The following CSNK1G2 variants were observed in gnomAD, a reference collection of about 807,000 sequenced individuals.
CSNK1G2 encodes the protein casein kinase I isoform gamma-2.
CSNK1G2 carries 11 observed loss-of-function variants against 48.0 expected under a neutral mutation model. That is an observed-to-expected ratio of 0.23 (90% CI 0.14 to 0.38). CSNK1G2 has a LOEUF of 0.38. Among genes scored for constraint, CSNK1G2 ranks in the 10% least tolerant of loss-of-function variants. CSNK1G2 has a pLI of 1.00. For synonymous variants in CSNK1G2, 337 were observed against 254.1 expected, an observed-to-expected ratio of 1.33 and a Z score of -3.10; for missense variants, 446 against 595.5, an observed-to-expected ratio of 0.75 and a Z score of 2.61.
At chr19:1,955,568 G>A (rs1011892840) in intron 1 of CSNK1G2, among the ~76,000 whole-genome samples, 3 of 152,284 alleles carry the variant, frequency 2.0e-5, no homozygotes, top group East Asian at 1.9e-4. Context: ...CGAGTCGGGG[G>A]CAGCGCCCAG....
chr19:1,956,154 C>T (rs2014990855), intron 1 of CSNK1G2, among the ~76,000 whole-genome samples: 3 of 152,164 alleles, frequency 2.0e-5, no homozygotes, highest in Non-Finnish European at 4.4e-5. Context: ...TGATGGTCAC[C>T]ACCCAGACGA....
intron 1 of CSNK1G2, among the ~76,000 whole-genome samples, chr19:1,942,004 C>T (rs2014384041): frequency 6.6e-6 from 1 of 152,068 alleles, no homozygotes; most frequent in South Asian, 2.1e-4. Context: ...CCCCACGCAG[C>T]TGTGTCCCCG....
chr19:1,961,862 G>A (rs1178000585), intron 1 of CSNK1G2, among the ~76,000 whole-genome samples: 1 of 152,208 alleles, frequency 6.6e-6, no homozygotes, highest in Non-Finnish European at 1.5e-5. Context: ...CTAAGCAGGG[G>A]TGAGGGGCAC....
intron 1 of CSNK1G2, chr19:1,953,544 G>A (rs1360298602): frequency 1.9e-6 from 1 of 521,336 alleles, no homozygotes; most frequent in South Asian, 1.4e-5. Flanking sequence ...TGGACTAGTT[G>A]CAGGGACAGT....
At chr19:1,963,400 G>A (rs1034266358) in intron 1 of CSNK1G2, among the ~76,000 whole-genome samples, 4 of 151,366 alleles carry the variant, frequency 2.6e-5, no homozygotes, top group East Asian at 1.9e-4. Context: ...TTTTAGTAGA[G>A]ACAGGGTTTC....
At chr19:1,956,896 G>A (rs1412864994) in intron 1 of CSNK1G2, among the ~76,000 whole-genome samples, 1 of 152,294 alleles carries the variant, frequency 6.6e-6, no homozygotes, top group East Asian at 1.9e-4. Flanking sequence ...GCCAGGCGGC[G>A]GTTGATGGGT....
intron 2 of CSNK1G2, among the ~76,000 whole-genome samples, chr19:1,973,129 G>A (rs150771388): frequency 0.015 from 2,258 of 150,738 alleles, 41 homozygotes; most frequent in East Asian, 0.055. Context: ...GGGTTTCGCC[G>A]TGTTAGCCAG....
At chr19:1,975,000 T>C in intron 2 of CSNK1G2, 2 of 933,202 alleles carry the variant, frequency 2.1e-6, no homozygotes, top group Non-Finnish European at 2.6e-6. Flanking sequence ...TCCAGGAGTC[T>C]GCAGATCCAC....
Position 1,980,190 on chromosome 19 carries a change from A to G in CSNK1G2, c.1235A>G (p.Gln412Arg), listed in dbSNP as rs199898274. Residue 412 changes from glutamine to arginine, a missense_variant, in exon 12 of 12, where the codon CAG (glutamine) becomes CGG (arginine). By Grantham distance (43) the Gln-to-Arg change is conservative. This residue lies in a region of CSNK1G2 where 188 missense variants were observed against 179.6 expected (regional missense o/e 1.05). Coordinates refer to ENST00000255641, the MANE Select transcript of CSNK1G2 (RefSeq NM_001319.7). Reference sequence around the variant, plus strand: ...AAGAGGAGAAAGAGAAAATCGCTGCAGCGACACAAGTGACCCTGGGCGCGT... The same window carrying G: ...AAGAGGAGAAAGAGAAAATCGCTGCGGCGACACAAGTGACCCTGGGCGCGT... Reference protein sequence around the residue: ...FFKRRKRKSLQRHK With the variant: ...FFKRRKRKSLRRHK 6 of 1,612,890 alleles carry G rather than the reference A, an allele frequency of 3.7e-6. No individual in the cohort carries two copies. The highest frequency in any genetic ancestry group is 1.7e-5 in the Admixed American group (1 of 60,022).
At chr19:1,962,890 C>T (rs1416574355) in intron 1 of CSNK1G2, among the ~76,000 whole-genome samples, 5 of 152,198 alleles carry the variant, frequency 3.3e-5, no homozygotes, top group Non-Finnish European at 5.9e-5. Flanking sequence ...CAGACGCCGC[C>T]GTGGACTCCA....
At chr19:1,975,540 A>G (rs2015723546) in intron 2 of CSNK1G2, 1 of 985,468 alleles carries the variant, frequency 1.0e-6, no homozygotes, top group East Asian at 1.1e-4. Context: ...CCAGGCGGGC[A>G]CACGCAGCAC....
chr19:1,951,688 G>GT (rs66562131), intron 1 of CSNK1G2, among the ~76,000 whole-genome samples: 13 of 140,470 alleles, frequency 9.3e-5, no homozygotes, highest in African/African-American at 3.3e-4. Context: ...CTTCTCTGCT[G>GT]TTTTTTTTTG....
intron 1 of CSNK1G2, chr19:1,954,824 G>A (rs1157236149): frequency 1.3e-5 from 2 of 152,250 alleles, no homozygotes; most frequent in Non-Finnish European, 2.9e-5. Flanking sequence ...AGCCATCCTT[G>A]GCGTGTGACC....
At chr19:1,943,167 C>G (rs762662433) in intron 1 of CSNK1G2, among the ~76,000 whole-genome samples, 1 of 152,206 alleles carries the variant, frequency 6.6e-6, no homozygotes, top group Non-Finnish European at 1.5e-5. Context: ...GTTGGAGGAG[C>G]TGGCTCTGTT....
At chr19:1,958,129 C>T (rs943109467) in intron 1 of CSNK1G2, among the ~76,000 whole-genome samples, 5 of 152,028 alleles carry the variant, frequency 3.3e-5, no homozygotes, top group Non-Finnish European at 7.4e-5. Flanking sequence ...GTTGGAAGCA[C>T]AGCGCAGCCT....
Position 1,980,277 on chromosome 19 carries a change from G to C in CSNK1G2, c.*74G>C. 1 of 1,572,722 alleles carries C rather than the reference G, an allele frequency of 6.4e-7. No individual in the cohort carries two copies. The highest frequency in any genetic ancestry group is 8.7e-7 in the Non-Finnish European group (1 of 1,146,368). On this transcript the variant is annotated 3_prime_UTR_variant, in exon 12 of 12. Coordinates refer to ENST00000255641, the MANE Select transcript of CSNK1G2 (RefSeq NM_001319.7). ...GCGCGACCTTGTGCGAGGCCCTCGGGGCCCACCCACAGCGGCCCAGGGCCA... is the reference window on the plus strand; with the variant it reads ...GCGCGACCTTGTGCGAGGCCCTCGGCGCCCACCCACAGCGGCCCAGGGCCA...
chr19:1,970,835 A>G lies in CSNK1G2; in HGVS notation c.187+876A>G, dbSNP rs528094060. Among the ~76,000 whole-genome samples the G allele has an allele frequency of 2.0e-3, 309 of 152,286 alleles. 1 individual carries two copies. The highest frequency in any genetic ancestry group is 7.1e-3 in the African/African-American group (297 of 41,574). ...CCCTGGGAAAGAGCGCAGGATGGGCAGGTCCGAGAGGCCACGGCAGTGGAT... is the reference window on the plus strand; with the variant it reads ...CCCTGGGAAAGAGCGCAGGATGGGCGGGTCCGAGAGGCCACGGCAGTGGAT... On this transcript the variant is annotated intron_variant, in intron 2 of 11. Coordinates refer to ENST00000255641, the MANE Select transcript of CSNK1G2 (RefSeq NM_001319.7).
At chr19:1,947,582 G>C (rs757955513) in intron 1 of CSNK1G2, among the ~76,000 whole-genome samples, 1 of 152,198 alleles carries the variant, frequency 6.6e-6, no homozygotes, top group Non-Finnish European at 1.5e-5. Context: ...ACACGGACTG[G>C]CCCGTGTCTG....
chr19:1,972,208 C>A (rs575897858), intron 2 of CSNK1G2, among the ~76,000 whole-genome samples: 156 of 149,882 alleles, frequency 1.0e-3, no homozygotes, highest in Non-Finnish European at 1.8e-3. Flanking sequence ...CACACCAGCC[C>A]TTCTTCATCT....
Sources: gnomAD v4.1 joint callset for allele counts (sites outside exome capture counted in the v4.1 genomes callset) on GRCh38, gnomAD v4.1.1 for gene constraint, gnomAD v4.1.1 regional missense constraint, MANE v1.5 for transcripts, NCBI Gene and HGNC (gene_info 2026-07-23, HGNC 2026-07-21) for gene names.